Variants in SAMD12 observed in about 807,000 individuals in gnomAD.
The protein encoded by SAMD12 is sterile alpha motif domain-containing protein 12.
Under a neutral mutation model 15.0 loss-of-function variants are expected in SAMD12, and 9 were observed. The observed-to-expected ratio is 0.60, with a 90% CI of 0.36 to 1.05. SAMD12 has a LOEUF of 1.05. SAMD12 is among the 50% of genes least tolerant of loss of function. SAMD12 has a pLI of 0.01. For missense variants in SAMD12, 230 were observed against 234.2 expected (o/e 0.98, Z 0.12); for synonymous variants, 86 against 90.1 (o/e 0.96, Z 0.25).
At chr8:118,389,039 T>G (rs1228935900) in intron 3 of SAMD12, among the ~76,000 whole-genome samples, 1 of 152,164 alleles carries the variant, frequency 6.6e-6, no homozygotes, top group African/African-American at 2.4e-5. Flanking sequence ...TTGTACCACT[T>G]GCACCAAGAG....
intron 2 of SAMD12, among the ~76,000 whole-genome samples, chr8:118,479,858 C>T (rs923597980): frequency 1.3e-5 from 2 of 151,906 alleles, no homozygotes; most frequent in Admixed American, 1.3e-4. Context: ...ACTGCTACAT[C>T]CCTGGACACT....
At chr8:118,524,863 A>T (rs1051798607) in intron 2 of SAMD12, among the ~76,000 whole-genome samples, 1 of 151,730 alleles carries the variant, frequency 6.6e-6, no homozygotes, top group African/African-American at 2.4e-5. Flanking sequence ...CTGGGTCACC[A>T]CTCTCCTGTG....
intron 4 of SAMD12, among the ~76,000 whole-genome samples, chr8:118,353,229 T>A (rs1319651583): frequency 6.6e-6 from 1 of 150,430 alleles, no homozygotes; most frequent in East Asian, 1.9e-4. Context: ...CTGCATCTCA[T>A]ACCATTATAT....
At chr8:118,139,378 A>T in the SAMD12 span, among the ~76,000 whole-genome samples, 20 of 152,336 alleles carry the variant, frequency 1.3e-4, no homozygotes, top group South Asian at 3.9e-3. Context: ...TTTACTTTCT[A>T]TAAACAGTCT....
the SAMD12 span, among the ~76,000 whole-genome samples, chr8:118,171,748 T>G: frequency 1.1e-4 from 12 of 108,518 alleles, no homozygotes; most frequent in South Asian, 8.3e-4. Flanking sequence ...TTTTTTTTTT[T>G]GGGTCAGGTC....
At chr8:118,429,831 T>A (rs1014073500) in intron 3 of SAMD12, among the ~76,000 whole-genome samples, 3 of 152,032 alleles carry the variant, frequency 2.0e-5, no homozygotes, top group Admixed American at 6.6e-5. Context: ...GAGGCGGAGG[T>A]TGCAGTGAGC....
rs1563758898 is a variant in SAMD12 at position 118,318,325 on chromosome 8, T to TATATATATATATATATAC, written c.433+61234_433+61235insGTATATATATATATATAT. On this transcript the variant is annotated intron_variant, in intron 4 of 4. Coordinates refer to the SAMD12 transcript ENST00000409003. ...AGATATATGTGTATATATATATATATATATATATATATATATATATATATA... is the reference window on the plus strand; with the variant it reads ...AGATATATGTGTATATATATATATATATATATATATATATATACATATATATATATATATATATATATA... Among the ~76,000 whole-genome samples, 51 of 25,258 alleles carry TATATATATATATATATAC rather than the reference T, an allele frequency of 2.0e-3. 1 individual carries two copies. The highest frequency in any genetic ancestry group is 6.6e-3 in the Non-Finnish European group (43 of 6,526). The allele number at this position is 25,258 out of a possible 152,430, so 16.6% of individuals were successfully genotyped here. A position where few individuals can be genotyped will look rare whatever the true frequency, so the allele number is the denominator to read the frequency against.
At chr8:118,253,925 C>T (rs558834032) in intron 4 of SAMD12, among the ~76,000 whole-genome samples, 4 of 152,230 alleles carry the variant, frequency 2.6e-5, no homozygotes, top group South Asian at 4.1e-4. Context: ...CAGTTTATAA[C>T]TATCTCTTCT....
At chr8:118,463,715 AT>A (rs1350715873) in intron 2 of SAMD12, among the ~76,000 whole-genome samples, 1 of 152,062 alleles carries the variant, frequency 6.6e-6, no homozygotes, top group Admixed American at 6.5e-5. Flanking sequence ...GGTCCCTTAA[AT>A]TCTCTCTGAT....
rs112110464 is a variant in SAMD12, at chr8:118,226,593, G to A, written c.434-28861C>T. Among the ~76,000 whole-genome samples, 1,283 of 152,274 alleles carry A rather than the reference G, an allele frequency of 8.4e-3. 19 individuals carry two copies. Among genetic ancestry groups the A allele is most frequent in the African/African-American group, 0.029 (1,216 of 41,550 alleles). On this transcript the variant is annotated intron_variant, in intron 4 of 4. Transcript: ENST00000409003. ...AACTATTCAGCAAACATTTATGGAG[G>A]ATTCCCTATATGCTGTGCACTTTGT... is the stretch of plus-strand genomic sequence containing the variant.
intron 1 of SAMD12, among the ~76,000 whole-genome samples, chr8:118,592,743 C>T (rs1827614387): frequency 6.6e-6 from 1 of 152,130 alleles, no homozygotes; most frequent in Non-Finnish European, 1.5e-5. Context: ...TATACTTGTA[C>T]ACACAGCTCC....
At chr8:118,152,374 T>G in the SAMD12 span, among the ~76,000 whole-genome samples, 1 of 152,058 alleles carries the variant, frequency 6.6e-6, no homozygotes, top group Non-Finnish European at 1.5e-5. Flanking sequence ...TTTGTTTGGT[T>G]TTTCTTTTTC....
chr8:118,292,507 C>T (rs2130261798), intron 4 of SAMD12, among the ~76,000 whole-genome samples: 1 of 152,156 alleles, frequency 6.6e-6, no homozygotes, highest in Admixed American at 6.6e-5. Context: ...ATTCCATTAT[C>T]TGAGGACTAG....
intron 4 of SAMD12, among the ~76,000 whole-genome samples, chr8:118,231,925 C>T (rs866888756): frequency 2.0e-5 from 3 of 151,980 alleles, no homozygotes; most frequent in African/African-American, 7.3e-5. Flanking sequence ...GCAAGGCACT[C>T]CTTCATACTC....
At chr8:118,533,449 A>G (rs1243054508) in intron 2 of SAMD12, among the ~76,000 whole-genome samples, 2 of 152,208 alleles carry the variant, frequency 1.3e-5, no homozygotes, top group Non-Finnish European at 2.9e-5. Context: ...GTAGATGTCT[A>G]TTAGGTCCAC....
At chr8:118,558,856 C>T (rs1228557293) in intron 2 of SAMD12, among the ~76,000 whole-genome samples, 1 of 152,040 alleles carries the variant, frequency 6.6e-6, no homozygotes, top group African/African-American at 2.4e-5. Context: ...CGCGCCCGGC[C>T]GACACTGAGC....
intron 2 of SAMD12, among the ~76,000 whole-genome samples, chr8:118,558,245 T>C (rs528356464): frequency 7.0e-4 from 107 of 152,332 alleles, no homozygotes; most frequent in Admixed American, 2.5e-3. Context: ...GTTCTAACTT[T>C]GCCCAATAAA....
chr8:118,232,319 A>T (rs112282677), intron 4 of SAMD12, among the ~76,000 whole-genome samples: 2 of 152,114 alleles, frequency 1.3e-5, no homozygotes, highest in Non-Finnish European at 2.9e-5. Context: ...CCAAGTTGCA[A>T]CCTAGAGGGT....
At chr8:118,365,414 TTGTCC>T (rs1417948207) in intron 4 of SAMD12, among the ~76,000 whole-genome samples, 1 of 152,204 alleles carries the variant, frequency 6.6e-6, no homozygotes, top group Admixed American at 6.5e-5. Context: ...GTAGGTGGAA[TTGTCC>T]TGTCTGTTGA....
Sources: gnomAD v4.1 joint callset for allele counts (sites outside exome capture counted in the v4.1 genomes callset) on GRCh38, gnomAD v4.1.1 for gene constraint, MANE v1.5 for transcripts, NCBI Gene and HGNC (gene_info 2026-07-23, HGNC 2026-07-21) for gene names.